Variants in DGKD observed in about 807,000 individuals in gnomAD.
DGKD encodes the protein DAG kinase delta.
DGKD carries 68 observed loss-of-function variants against 154.4 expected under a neutral mutation model. The observed-to-expected ratio is 0.44, with a 90% CI of 0.36 to 0.54. DGKD has a LOEUF of 0.54. Ranked by LOEUF, DGKD falls within the 20% of genes least tolerant of loss-of-function variation. The pLI is 0.00. For synonymous variants in DGKD, 693 were observed against 638.0 expected, an observed-to-expected ratio of 1.09 and a Z score of -1.30; for missense variants, 1,343 against 1,593.6, an observed-to-expected ratio of 0.84 and a Z score of 2.68.
intron 3 of DGKD, among the ~76,000 whole-genome samples, chr2:233,414,672 T>A (rs915192340): frequency 6.6e-6 from 1 of 152,252 alleles, no homozygotes; most frequent in African/African-American, 2.4e-5. Context: ...TCCTGTACTT[T>A]TGCTTCACAA....
At chr2:233,437,321 C>G in intron 7 of DGKD, 56 bp from the exon 8 acceptor site, 1 of 1,516,984 alleles carries the variant, frequency 6.6e-7, no homozygotes, top group Non-Finnish European at 9.1e-7. Flanking sequence ...AGGAGGATTT[C>G]TGGTGTGTGT....
chr2:233,434,348 C>G, intron 3 of DGKD, 32 bp from the exon 4 acceptor site: 1 of 1,571,910 alleles, frequency 6.4e-7, no homozygotes, highest in Non-Finnish European at 8.7e-7. Flanking sequence ...GCCTTTTGTT[C>G]ATGGATCTGT....
At chr2:233,421,868 T>G (rs947481959) in intron 3 of DGKD, among the ~76,000 whole-genome samples, 2 of 152,252 alleles carry the variant, frequency 1.3e-5, no homozygotes, top group Admixed American at 1.3e-4. Flanking sequence ...TTTGCTCAAG[T>G]GAAAGACTGC....
chr2:233,370,660 T>C (rs890433154), intron 1 of DGKD, among the ~76,000 whole-genome samples: 6 of 151,608 alleles, frequency 4.0e-5, no homozygotes, highest in Non-Finnish European at 7.4e-5. Flanking sequence ...TTGACAGATA[T>C]TTGGGTTGCT....
intron 1 of DGKD, among the ~76,000 whole-genome samples, chr2:233,384,562 T>TC (rs1703073298): frequency 6.6e-6 from 1 of 151,788 alleles, no homozygotes; most frequent in Admixed American, 6.6e-5. Context: ...GAAACCCACA[T>TC]CCCCCCACTG....
chr2:233,386,433 A>G lies in DGKD; in HGVS notation c.157-1824A>G, dbSNP rs978772279. On this transcript the variant is annotated intron_variant, in intron 1 of 29. Coordinates refer to ENST00000264057, the MANE Select transcript of DGKD (RefSeq NM_152879.3). ...AGTCCTTCACACTGAAGACTGGTTT[A>G]TATCCTCGCTACCAGAATCGGGGTG... is the stretch of plus-strand genomic sequence containing the variant. Among the ~76,000 whole-genome samples the G allele has an allele frequency of 3.3e-5, 5 of 152,150 alleles. No individual in the cohort carries two copies. In the South Asian group the frequency reaches 6.2e-4, roughly 19 times the overall value.
intron 25 of DGKD, 67 bp downstream of exon 25, chr2:233,462,526 C>A (rs997447877): frequency 6.5e-7 from 1 of 1,529,724 alleles, no homozygotes; most frequent in Non-Finnish European, 9.0e-7. Flanking sequence ...CCTCCCCGTG[C>A]GTGTTCATTC....
At chr2:233,405,017 G>A (rs1018641488) in intron 3 of DGKD, among the ~76,000 whole-genome samples, 5 of 152,170 alleles carry the variant, frequency 3.3e-5, no homozygotes, top group African/African-American at 1.2e-4. Context: ...TGAAGAAAAA[G>A]GACAGGCCGG....
rs1559545598 is a variant in DGKD, at chr2:233,436,374, T to C, written c.752T>C (p.Val251Ala). ...GNLPVSAKCT[V>A]CDKTCGSVLR... ...CTACCTGTGAGCGCCAAGTGCACTG[T>C]GTGCGACAAGACCTGTGGCAGTGTG... The change falls in exon 7 of 30, where the codon GTG becomes GCG. Residue 251 changes from valine (V) to alanine (A), a missense_variant. This residue lies in a region of DGKD where 332 missense variants were observed against 400.1 expected (regional missense o/e 0.83). Coordinates refer to ENST00000264057, the MANE Select transcript of DGKD (RefSeq NM_152879.3). 6.2e-7 allele frequency: 1 copy of C among 1,614,214 alleles called. No homozygotes were observed. The highest frequency in any genetic ancestry group is 8.5e-7 in the Non-Finnish European group (1 of 1,180,036).
intron 3 of DGKD, among the ~76,000 whole-genome samples, chr2:233,426,932 G>A (rs548621558): frequency 6.6e-6 from 1 of 152,204 alleles, no homozygotes; most frequent in African/African-American, 2.4e-5. Context: ...TTGAGCACCG[G>A]GTCATGTGCT....
intron 3 of DGKD, among the ~76,000 whole-genome samples, chr2:233,418,188 C>T (rs1330879984): frequency 6.6e-6 from 1 of 152,190 alleles, no homozygotes; most frequent in Admixed American, 6.5e-5. Flanking sequence ...CTTACTTCAC[C>T]AGCCCCCTGT....
Position 233,383,978 on chromosome 2 carries a change from C to T in DGKD, c.157-4279C>T, listed in dbSNP as rs183383596. The stretch of plus-strand genomic sequence containing the variant: ...GTAGGTGCCGTGAGATACTCTGTAG[C>T]CGGTAAAAATGCATTTGCTGATGTG... On this transcript the variant is annotated intron_variant, in intron 1 of 29. Transcript: ENST00000264057. 2.3e-3 allele frequency among the ~76,000 whole-genome samples: 356 copies of T among 152,040 alleles called. 2 individuals carry two copies. The highest frequency in any genetic ancestry group is 7.6e-3 in the African/African-American group (314 of 41,458).
intron 2 of DGKD, 105 bp downstream of exon 2, chr2:233,388,472 G>A (rs1703341803): frequency 8.9e-7 from 1 of 1,118,486 alleles, no homozygotes; most frequent in African/African-American, 1.6e-5. Flanking sequence ...TCAATTCTCA[G>A]ATCTGTTATT....
intron 18 of DGKD, chr2:233,454,558 AAT>A (rs1178980638): frequency 1.8e-6 from 1 of 552,022 alleles, no homozygotes; most frequent in East Asian, 3.4e-5. Flanking sequence ...GTGATGGTTA[AAT>A]GACTCTGAAT....
intron 29 of DGKD, 118 bp downstream of exon 29, chr2:233,468,671 G>C (rs773903132): frequency 6.0e-6 from 9 of 1,495,262 alleles, no homozygotes; most frequent in African/African-American, 1.4e-5. Flanking sequence ...TCAGGCTTTC[G>C]TGTATACCTC....
intron 19 of DGKD, among the ~76,000 whole-genome samples, chr2:233,455,679 C>A (rs751957805): frequency 2.0e-5 from 3 of 152,244 alleles, no homozygotes; most frequent in Non-Finnish European, 4.4e-5. Context: ...TCCGCTGAGT[C>A]AGGATGGGCT....
chr2:233,389,641 G>T (rs549311709), intron 2 of DGKD, among the ~76,000 whole-genome samples: 5 of 151,894 alleles, frequency 3.3e-5, no homozygotes, highest in East Asian at 3.9e-4. Flanking sequence ...GAGGGGAAAG[G>T]TTACTTAAAA....
At chr2:233,407,840 C>G (rs1175598971) in intron 3 of DGKD, among the ~76,000 whole-genome samples, 1 of 152,126 alleles carries the variant, frequency 6.6e-6, no homozygotes, top group East Asian at 1.9e-4. Flanking sequence ...GTAGGCCTAC[C>G]TAGCGTGAAA....
At chr2:233,409,560 T>C (rs1459145235) in intron 3 of DGKD, among the ~76,000 whole-genome samples, 1 of 152,044 alleles carries the variant, frequency 6.6e-6, no homozygotes, top group Non-Finnish European at 1.5e-5. Context: ...TAGGAAATCA[T>C]GTTAAAAAAA....
Sources: allele counts gnomAD v4.1 joint callset (sites outside exome capture counted in the v4.1 genomes callset), GRCh38; gene constraint gnomAD v4.1.1; regional missense constraint gnomAD v4.1.1; transcripts MANE v1.5; gene names NCBI Gene and HGNC (gene_info 2026-07-23, HGNC 2026-07-21).